The following OTUD7A variants were observed in gnomAD, a reference collection of about 807,000 sequenced individuals.
The protein encoded by OTUD7A is OTU domain-containing protein 7A.
Under a neutral mutation model 65.7 loss-of-function variants are expected in OTUD7A, and 12 were observed. The observed-to-expected ratio is 0.18, with a 90% CI of 0.12 to 0.30. OTUD7A has a LOEUF of 0.30. OTUD7A is among the 10% of genes least tolerant of loss of function. OTUD7A has a pLI of 1.00. For missense variants in OTUD7A, 1,148 were observed against 1,304.8 expected (o/e 0.88, Z 1.85); for synonymous variants, 641 against 586.3 (o/e 1.09, Z -1.35).
rs570272872 is a variant in OTUD7A, at chr15:31,533,412, T to C, written c.551-2604A>G. 5.3e-5 allele frequency among the ~76,000 whole-genome samples: 8 copies of C among 152,206 alleles called. No homozygotes were observed. In the South Asian group the frequency reaches 1.7e-3, roughly 32 times the overall value. On this transcript the variant is annotated intron_variant, in intron 5 of 12. Coordinates refer to ENST00000307050, the MANE Select transcript of OTUD7A (RefSeq NM_001382637.1). ...CACCAAACTTGGCTAATTTTTGGTA[T>C]TTTTAGTAGAGATAGAGTTTTACCA...
intron 10 of OTUD7A, among the ~76,000 whole-genome samples, chr15:31,491,080 G>T (rs1382901309): frequency 6.6e-6 from 1 of 151,960 alleles, no homozygotes; most frequent in Non-Finnish European, 1.5e-5. Flanking sequence ...TACTCAAGAT[G>T]CCTGGCTTTC....
intron 10 of OTUD7A, among the ~76,000 whole-genome samples, chr15:31,489,923 G>A (rs1054570794): frequency 7.9e-5 from 12 of 152,234 alleles, no homozygotes; most frequent in African/African-American, 2.7e-4. Context: ...GCAGCCTTGC[G>A]GCCTAGATCT....
At chr15:31,854,349 C>T (rs1183048848) in intron 1 of OTUD7A, among the ~76,000 whole-genome samples, 31 of 152,208 alleles carry the variant, frequency 2.0e-4, no homozygotes, top group Admixed American at 2.0e-3. Flanking sequence ...CTTAATCACA[C>T]CTGAAAACTC....
chr15:31,686,187 G>A (rs1892832719), intron 1 of OTUD7A, among the ~76,000 whole-genome samples: 1 of 152,212 alleles, frequency 6.6e-6, no homozygotes, highest in Non-Finnish European at 1.5e-5. Flanking sequence ...CCTGGCCCAG[G>A]GCTGTGGAGA....
At chr15:31,820,463 A>C (rs936363338) in intron 1 of OTUD7A, among the ~76,000 whole-genome samples, 2 of 152,198 alleles carry the variant, frequency 1.3e-5, no homozygotes, top group African/African-American at 2.4e-5. Flanking sequence ...ATGTAAACTG[A>C]CATTGATGCA....
chr15:31,566,128 T>C (rs981484713), intron 4 of OTUD7A, among the ~76,000 whole-genome samples: 1 of 151,546 alleles, frequency 6.6e-6, no homozygotes, highest in African/African-American at 2.4e-5. Context: ...GAGGCAGAGC[T>C]TGCAGTGAGC....
intron 5 of OTUD7A, among the ~76,000 whole-genome samples, chr15:31,535,680 T>G (rs12906948): frequency 7.8e-4 from 108 of 137,806 alleles, no homozygotes; most frequent in Middle Eastern, 3.5e-3. Context: ...TTTTGTTTTT[T>G]TTTTTTTTTT....
chr15:31,525,819 G>A lies in OTUD7A; in HGVS notation c.893+530C>T, dbSNP rs1026264854. Among the ~76,000 whole-genome samples the A allele has an allele frequency of 5.9e-5, 9 of 152,364 alleles. No homozygotes were observed. In the South Asian group the frequency reaches 1.9e-3, roughly 32 times the overall value. The stretch of plus-strand genomic sequence containing the variant: ...ATTCCTAAACATGCACAGATGTGAA[G>A]TCTTTTTGCTGGGAACACATATAAT... On this transcript the variant is annotated intron_variant, in intron 8 of 12. Transcript: ENST00000307050.
intron 8 of OTUD7A, among the ~76,000 whole-genome samples, chr15:31,505,748 ATTTTT>A (rs58989170): frequency 1.2e-3 from 177 of 145,336 alleles, no homozygotes; most frequent in African/African-American, 2.5e-3. Flanking sequence ...ATTGAAGTTA[ATTTTT>A]TTTTTTTTTT....
At chr15:31,859,138 G>C (rs1256407212) in intron 1 of OTUD7A, among the ~76,000 whole-genome samples, 1 of 152,168 alleles carries the variant, frequency 6.6e-6, no homozygotes, top group Non-Finnish European at 1.5e-5. Flanking sequence ...ATTTCCTTCT[G>C]CATGGCTGTA....
rs551293184 is a variant in OTUD7A, at chr15:31,525,915, G to T, written c.893+434C>A. On this transcript the variant is annotated intron_variant, in intron 8 of 12. Coordinates refer to ENST00000307050, the MANE Select transcript of OTUD7A (RefSeq NM_001382637.1). ...TCTGCTTTCAGGGCAACTTCTTGAA[G>T]CCACAAATTAATTAGTTGGGGGAGA... Among the ~76,000 whole-genome samples the T allele has an allele frequency of 3.7e-4, 56 of 152,346 alleles. 2 individuals are homozygous for T. The highest frequency in any genetic ancestry group is 4.4e-5 in the Non-Finnish European group (3 of 68,022).
chr15:31,808,865 A>T (rs1175193720), intron 1 of OTUD7A, among the ~76,000 whole-genome samples: 2 of 152,252 alleles, frequency 1.3e-5, no homozygotes, highest in Non-Finnish European at 2.9e-5. Flanking sequence ...GTCCAACTTC[A>T]GGCTGCGCAG....
At chr15:31,837,926 C>A (rs1221257090) in intron 1 of OTUD7A, among the ~76,000 whole-genome samples, 1 of 152,218 alleles carries the variant, frequency 6.6e-6, no homozygotes, top group African/African-American at 2.4e-5. Flanking sequence ...GGTAGAGGAA[C>A]AGACACATAG....
chr15:31,782,048 G>A (rs534083938), intron 1 of OTUD7A, among the ~76,000 whole-genome samples: 33 of 152,296 alleles, frequency 2.2e-4, no homozygotes, highest in African/African-American at 6.7e-4. Flanking sequence ...CTTCAGTCAC[G>A]TAAGGGAATG....
chr15:31,721,265 T>C (rs1426250889), intron 1 of OTUD7A, among the ~76,000 whole-genome samples: 2 of 152,244 alleles, frequency 1.3e-5, no homozygotes, highest in African/African-American at 4.8e-5. Flanking sequence ...CTTGTTGCTT[T>C]TGAGGTCAGC....
intron 1 of OTUD7A, among the ~76,000 whole-genome samples, chr15:31,801,455 C>A (rs575582311): frequency 6.6e-6 from 1 of 152,208 alleles, no homozygotes; most frequent in Non-Finnish European, 1.5e-5. Context: ...AGGCTCTGGG[C>A]AAACTCTGGG....
intron 1 of OTUD7A, among the ~76,000 whole-genome samples, chr15:31,763,270 G>A (rs976962748): frequency 5.3e-5 from 8 of 151,442 alleles, no homozygotes; most frequent in African/African-American, 1.7e-4. Context: ...GCAACAGAGC[G>A]AGACTCCATC....
At chr15:31,833,731 C>CA (rs1028824077) in intron 1 of OTUD7A, among the ~76,000 whole-genome samples, 11 of 152,246 alleles carry the variant, frequency 7.2e-5, no homozygotes, top group African/African-American at 2.4e-4. Context: ...CAGATATTAG[C>CA]AGTTATCGAA....
intron 1 of OTUD7A, among the ~76,000 whole-genome samples, chr15:31,848,702 G>A (rs186295031): frequency 3.9e-5 from 6 of 152,308 alleles, no homozygotes; most frequent in African/African-American, 7.2e-5. Context: ...AACAAATAGA[G>A]TTCTGAAAAA....
Sources: allele counts gnomAD v4.1 joint callset (sites outside exome capture counted in the v4.1 genomes callset), GRCh38; gene constraint gnomAD v4.1.1; transcripts MANE v1.5; gene names NCBI Gene and HGNC (gene_info 2026-07-23, HGNC 2026-07-21).